Variants in SNURF observed in about 807,000 individuals in gnomAD.
The protein encoded by SNURF is SNRPN upstream open reading frame, also known as SNURF protein.
A neutral mutation model predicts 11.6 loss-of-function variants in SNURF; 6 were observed. The observed-to-expected ratio is 0.52, with a 90% confidence interval of 0.28 to 1.02. The LOEUF is 1.02. Ranked by LOEUF, SNURF falls within the 50% of genes least tolerant of loss-of-function variation. The pLI is 0.09. For synonymous variants in SNURF, 29 were observed against 31.6 expected, an observed-to-expected ratio of 0.92 and a Z score of 0.27; for missense variants, 84 against 88.4, an observed-to-expected ratio of 0.95 and a Z score of 0.20.
At chr15:24,968,106 C>G (rs895054151) in exon 3 of SNURF, 47 of 1,318,270 alleles carry the variant, frequency 3.6e-5, no homozygotes, top group Admixed American at 5.1e-5. Flanking sequence ...CAGCAATGAT[C>G]AAGAATAAAG....
intron 3 of SNURF, chr15:24,975,348 C>T: frequency 6.2e-7 from 1 of 1,610,072 alleles, no homozygotes; most frequent in Non-Finnish European, 8.5e-7. Context: ...TCTTGTCTTA[C>T]TGCTTCTAGA....
At chr15:24,978,299 C>A (rs2077296911), downstream of SNURF, 1 of 1,614,108 alleles carries the variant, frequency 6.2e-7, no homozygotes, top group Non-Finnish European at 8.5e-7. Flanking sequence ...GAATGAGACC[C>A]CCTCCACCAG....
exon 6 of SNURF, chr15:24,976,963 G>T: frequency 6.2e-7 from 1 of 1,605,258 alleles, no homozygotes; most frequent in South Asian, 1.1e-5. Flanking sequence ...CAGCTGGTGT[G>T]CCAATTCCCC....
downstream of SNURF, among the ~76,000 whole-genome samples, chr15:24,968,614 C>G (rs1050146670): frequency 6.6e-6 from 1 of 152,232 alleles, no homozygotes. Context: ...AACATACTTT[C>G]ACAGCATTAT....
At chr15:24,976,776 G>C (rs182835206) in intron 5 of SNURF, 1 of 1,002,342 alleles carries the variant, frequency 1.0e-6, no homozygotes, top group Non-Finnish European at 1.5e-6. Flanking sequence ...ATATGAGATA[G>C]GTGTCATGGG....
At chr15:24,956,476 G>A (rs2062921339) in intron 1 of SNURF, among the ~76,000 whole-genome samples, 1 of 152,184 alleles carries the variant, frequency 6.6e-6, no homozygotes, top group African/African-American at 2.4e-5. Context: ...GGTAAGGAGA[G>A]GAAGCCGGCC....
chr15:24,955,006 G>A (rs375357277), exon 1 of SNURF: 3 of 1,611,582 alleles, frequency 1.9e-6, no homozygotes, highest in South Asian at 1.1e-5. Context: ...AGCGGCCGCC[G>A]GAGATGCCTG....
chr15:24,973,967 A>G (rs2076771031), intron 3 of SNURF, among the ~76,000 whole-genome samples: 2 of 152,254 alleles, frequency 1.3e-5, no homozygotes, highest in South Asian at 4.1e-4. Flanking sequence ...AGATGTTGAT[A>G]CAGAGATGAC....
At chr15:24,962,259 G>C in intron 2 of SNURF, 50 bp downstream of exon 2, 1 of 1,455,466 alleles carries the variant, frequency 6.9e-7, no homozygotes, top group Non-Finnish European at 9.6e-7. Context: ...TCTCCTTTCA[G>C]ATTAGAACAA....
downstream of SNURF, among the ~76,000 whole-genome samples, chr15:24,972,821 A>G (rs1036892036): frequency 3.3e-5 from 5 of 152,056 alleles, no homozygotes; most frequent in Admixed American, 3.3e-4. Flanking sequence ...TCAACAACAG[A>G]CTGCATATGT....
intron 2 of SNURF, among the ~76,000 whole-genome samples, chr15:24,964,507 T>C (rs1180070720): frequency 6.6e-6 from 1 of 152,156 alleles, no homozygotes; most frequent in Non-Finnish European, 1.5e-5. Flanking sequence ...TTGGTCAGGC[T>C]GGGCTCGAAC....
intron 5 of SNURF, among the ~76,000 whole-genome samples, chr15:24,976,717 G>A (rs2077099255): frequency 1.3e-5 from 2 of 152,212 alleles, no homozygotes; most frequent in East Asian, 3.8e-4. Flanking sequence ...TTATACACAA[G>A]ATACCTCCAT....
At chr15:24,957,299 G>C (rs147750595) in intron 1 of SNURF, among the ~76,000 whole-genome samples, 1 of 152,170 alleles carries the variant, frequency 6.6e-6, no homozygotes, top group African/African-American at 2.4e-5. Flanking sequence ...TCTTCTGGGA[G>C]TTGAAAGCTG....
intron 2 of SNURF, among the ~76,000 whole-genome samples, chr15:24,963,675 T>G (rs1283827390): frequency 1.3e-5 from 2 of 151,986 alleles, no homozygotes; most frequent in African/African-American, 2.4e-5. Context: ...TTTTTTCAAA[T>G]TAAAGGTTTT....
intron 3 of SNURF, chr15:24,975,022 A>C: frequency 4.3e-6 from 3 of 701,666 alleles, no homozygotes; most frequent in Non-Finnish European, 7.8e-6. Flanking sequence ...AACAGTACAG[A>C]GAAAAGCAGT....
At chr15:24,962,833 T>C (rs1377976030) in intron 2 of SNURF, among the ~76,000 whole-genome samples, 1 of 152,218 alleles carries the variant, frequency 6.6e-6, no homozygotes, top group Non-Finnish European at 1.5e-5. Flanking sequence ...GCCATTAAAA[T>C]TTTGATGGCA....
downstream of SNURF, among the ~76,000 whole-genome samples, chr15:24,970,966 T>A (rs2076325210): frequency 1.3e-5 from 2 of 152,192 alleles, no homozygotes. Flanking sequence ...AGACCCTCTA[T>A]AATTTTAAAT....
At chr15:24,967,851 G>T in intron 2 of SNURF, 81 bp from the exon 3 acceptor site, 1 of 1,129,654 alleles carries the variant, frequency 8.9e-7, no homozygotes, top group Non-Finnish European at 1.3e-6. Flanking sequence ...TAAATGTAAG[G>T]GTACCTAGTT....
intron 1 of SNURF, among the ~76,000 whole-genome samples, chr15:24,958,496 T>G (rs902089716): frequency 1.8e-5 from 2 of 108,632 alleles, no homozygotes; most frequent in African/African-American, 4.6e-5. Flanking sequence ...GTTTTTTTTT[T>G]TTTTTTTTTT....
Sources: gnomAD v4.1 joint callset for allele counts (sites outside exome capture counted in the v4.1 genomes callset) on GRCh38, gnomAD v4.1.1 for gene constraint, MANE v1.5 for transcripts, NCBI Gene and HGNC (gene_info 2026-07-23, HGNC 2026-07-21) for gene names.